The following TACC3 variants were observed in gnomAD, a reference collection of about 807,000 sequenced individuals.
TACC3 encodes the protein transforming acidic coiled-coil containing protein 3, also known as transforming acidic coiled-coil-containing protein 3.
A neutral mutation model predicts 86.0 loss-of-function variants in TACC3; 52 were observed. The ratio of observed to expected loss-of-function variants is 0.60; its 90% confidence interval spans 0.48 to 0.76. TACC3 has a LOEUF of 0.76. Among genes scored for constraint, TACC3 ranks in the 30% least tolerant of loss-of-function variants. The pLI, the probability that TACC3 is intolerant of heterozygous loss-of-function variation, is 0.00. For synonymous variants in TACC3, 512 were observed against 430.0 expected (o/e 1.19, Z -2.36); for missense variants, 1,120 against 1,070.4 (o/e 1.05, Z -0.65).
chr4:1,742,650 T>C (rs1191516332), intron 13 of TACC3, among the ~76,000 whole-genome samples: 1 of 151,898 alleles, frequency 6.6e-6, no homozygotes, highest in Non-Finnish European at 1.5e-5. Flanking sequence ...AATACAAAAA[T>C]TAGCTGGGCA....
chr4:1,733,499 C>A (rs977601046), intron 6 of TACC3, among the ~76,000 whole-genome samples: 8 of 80,762 alleles, frequency 9.9e-5, no homozygotes, highest in Non-Finnish European at 2.4e-4. Flanking sequence ...CCAAAAAAAA[C>A]CTTTTTTTTT....
chr4:1,723,905 C>T, intron 3 of TACC3, 35 bp downstream of exon 3: 1 of 1,608,860 alleles, frequency 6.2e-7, no homozygotes, highest in African/African-American at 1.3e-5. Flanking sequence ...GCTGGAGCTT[C>T]ACCCTCTCTG....
At chr4:1,743,780 C>T (rs1337606147) in intron 13 of TACC3, among the ~76,000 whole-genome samples, 2 of 152,114 alleles carry the variant, frequency 1.3e-5, no homozygotes, top group African/African-American at 4.8e-5. Flanking sequence ...CCCGGACAGA[C>T]GCTGTTGGGA....
rs905663050 is a variant in TACC3 at position 1,741,168 on chromosome 4, G to A, written c.2223+182G>A. ...AGGAGTCACAGCATAGCTGGTTTGC[G>A]AGGCAGCTGAGGGCGGCAGGAGGCA... On this transcript the variant is annotated intron_variant, in intron 13 of 15. Transcript: ENST00000313288. 2.5e-5 allele frequency: 13 copies of A among 529,632 alleles called. No individual in the cohort carries two copies. In the South Asian group the frequency reaches 2.8e-4, roughly 11 times the overall value. The allele number at this position is 529,632 out of a possible 1,614,324, so 32.8% of individuals were successfully genotyped here.
chr4:1,729,315 G>C (rs1374177543), intron 4 of TACC3, among the ~76,000 whole-genome samples: 1 of 152,212 alleles, frequency 6.6e-6, no homozygotes, highest in East Asian at 1.9e-4. Flanking sequence ...CGTGTGCATA[G>C]ACAAGAGATT....
At chr4:1,739,800 TCCTCCCCGTCCC>T in intron 11 of TACC3, 22 bp downstream of exon 11, 1 of 1,573,704 alleles carries the variant, frequency 6.4e-7, no homozygotes, top group Non-Finnish European at 8.6e-7. Flanking sequence ...CCGTCTCCTG[TCCTCCCCGTCCC>T]CATCCCCCTC....
At chr4:1,737,494 C>A in intron 9 of TACC3, 104 bp from the exon 10 acceptor site, 1 of 1,130,166 alleles carries the variant, frequency 8.8e-7, no homozygotes, top group Non-Finnish European at 1.3e-6. Context: ...CCCTCATGCA[C>A]TGTCTGAGGC....
At chr4:1,736,644 C>G (rs1402598403) in intron 8 of TACC3, among the ~76,000 whole-genome samples, 1 of 151,702 alleles carries the variant, frequency 6.6e-6, no homozygotes, top group Non-Finnish European at 1.5e-5. Context: ...CGCAGTGGCT[C>G]ACACCTGGAA....
chr4:1,744,433 A>T, intron 13 of TACC3, 85 bp from the exon 14 acceptor site: 1 of 1,276,618 alleles, frequency 7.8e-7, no homozygotes, highest in Non-Finnish European at 1.1e-6. Context: ...GACAGCCTCG[A>T]GGATCTGCAG....
At position 1,744,701 on chromosome 4, in the gene TACC3, T is replaced by C. The variant is rs372251733; in HGVS notation, c.2331-11T>C. On this transcript the variant is annotated splice_polypyrimidine_tract_variant and intron_variant, in intron 14 of 15. Coordinates refer to ENST00000313288, the MANE Select transcript of TACC3 (RefSeq NM_006342.3). ...CCCAGCTCAGCCTCTGCCCCGCCCC[T>C]ACCCCTCCAGGGCAAACGAGGAGAT... The C allele has an allele frequency of 9.7e-5, 156 of 1,612,294 alleles. No individual in the cohort carries two copies. The highest frequency in any genetic ancestry group is 1.3e-4 in the Non-Finnish European group (149 of 1,179,862).
chr4:1,741,859 G>C (rs1718614508), intron 13 of TACC3: 1 of 152,250 alleles, frequency 6.6e-6, no homozygotes, highest in Admixed American at 6.5e-5. Context: ...GCTTTAAATT[G>C]CTGCTGCAGT....
In TACC3 at chr4:1,735,611, G is replaced by A. The variant is rs1487830499; in HGVS notation, c.1645-120G>A. The A allele has an allele frequency of 6.5e-5, 54 of 833,650 alleles. No homozygotes were observed. Among genetic ancestry groups the A allele is most frequent in the South Asian group, 6.0e-4 (44 of 73,156 alleles). The allele number at this position is 833,650 out of a possible 1,614,324, so 51.6% of individuals were successfully genotyped here. On this transcript the variant is annotated intron_variant, in intron 7 of 15. Transcript: ENST00000313288. The surrounding 1 kb of genome is among the most constrained non-coding windows in gnomAD (Gnocchi z 4.2). ...GTCTCGGGCAGGGTTGTGGGTGACC[G>A]GGGGTGGGAGTGTGCGGGTGACCGG...
chr4:1,737,697 G>A lies in TACC3; in HGVS notation c.1936G>A (p.Ala646Thr), dbSNP rs1227833201. 7 of 1,551,008 alleles carry A rather than the reference G, an allele frequency of 4.5e-6. No individual in the cohort carries two copies. In the South Asian group the frequency reaches 8.3e-5, roughly 18 times the overall value. The change falls in exon 10 of 16, where the codon GCA becomes ACA. Residue 646 changes from alanine to threonine, a missense_variant. Transcript: ENST00000313288. ...CCAGTACAGCCAGAAGGACCTGGATGCAGTGGTAAGGACGCAGGTAGTAGC... is the reference window on the plus strand; with the variant it reads ...CCAGTACAGCCAGAAGGACCTGGATACAGTGGTAAGGACGCAGGTAGTAGC... The part of the protein sequence containing the change: ...LLQYSQKDLD[A>T]VVKATQEENR...
chr4:1,730,813 G>C, intron 4 of TACC3, 74 bp from the exon 5 acceptor site: 1 of 1,489,288 alleles, frequency 6.7e-7, no homozygotes, highest in Non-Finnish European at 9.3e-7. Context: ...GGCGATGGCA[G>C]CTCAGTGCTG....
At chr4:1,723,332 C>T (rs1717511161) in intron 1 of TACC3, 89 bp from the exon 2 acceptor site, 9 of 1,376,808 alleles carry the variant, frequency 6.5e-6, no homozygotes, top group Non-Finnish European at 9.1e-6. Flanking sequence ...GGGAAGTGGT[C>T]GTGCCCCTTG....
At chr4:1,734,782 T>G (rs28742990) in intron 6 of TACC3, among the ~76,000 whole-genome samples, 4,433 of 152,208 alleles carry the variant, frequency 0.029, 98 homozygotes, top group South Asian at 0.065. Flanking sequence ...GGAGTTCTCC[T>G]GCCTCAGCCT....
intron 3 of TACC3, among the ~76,000 whole-genome samples, chr4:1,726,251 C>T (rs1717682347): frequency 6.6e-6 from 1 of 152,186 alleles, no homozygotes; most frequent in African/African-American, 2.4e-5. Flanking sequence ...GTAGCAGGCG[C>T]CATCCCAGGG....
chr4:1,731,572 G>A (rs552832268), intron 6 of TACC3, among the ~76,000 whole-genome samples: 2 of 152,302 alleles, frequency 1.3e-5, no homozygotes, highest in African/African-American at 4.8e-5. Context: ...AATGCAGTGC[G>A]CTAATGAGAT....
rs142450080 is a variant in TACC3 at position 1,727,846 on chromosome 4, C to A, written c.444C>A (p.Ala148=). The A allele has an allele frequency of 5.0e-6, 8 of 1,613,222 alleles. No individual in the cohort carries two copies. In the African/African-American group the frequency reaches 1.1e-4, roughly 22 times the overall value. Residue 148 remains alanine (A), a synonymous_variant, in exon 4 of 16, where the codon GCC becomes GCA. Coordinates refer to ENST00000313288, the MANE Select transcript of TACC3 (RefSeq NM_006342.3). ...GCTCCAGCGAGTCTGGCCCAGGTGC[C>A]CTGGCTGACCTGGACTGCTCAAGCT... ...SGSSSESGPG[A]LADLDCSSSS...
Sources: allele counts gnomAD v4.1 joint callset (sites outside exome capture counted in the v4.1 genomes callset), GRCh38; gene constraint gnomAD v4.1.1; non-coding constraint Gnocchi (gnomAD v3.1); transcripts MANE v1.5; gene names NCBI Gene and HGNC (gene_info 2026-07-23, HGNC 2026-07-21).